The following GLG1 variants were observed in gnomAD, a reference collection of about 807,000 sequenced individuals.
The protein encoded by GLG1 is Golgi apparatus protein 1.
In GLG1, 38 loss-of-function variants were observed where a neutral mutation model predicts 160.5. The ratio of observed to expected loss-of-function variants is 0.24; its 90% CI spans 0.18 to 0.31. The LOEUF (loss-of-function observed/expected upper bound fraction) is 0.31, where lower values mean the gene tolerates loss of function less well. Ranked by LOEUF, GLG1 falls within the 10% of genes least tolerant of loss-of-function variation. GLG1 has a pLI of 1.00. For missense variants in GLG1, 1,373 were observed against 1,505.2 expected (o/e 0.91, Z 1.45); for synonymous variants, 644 against 543.4 (o/e 1.19, Z -2.57).
chr16:74,564,807 G>T (rs1356663161), intron 1 of GLG1, among the ~76,000 whole-genome samples: 1 of 152,154 alleles, frequency 6.6e-6, no homozygotes, highest in African/African-American at 2.4e-5. Flanking sequence ...TCATCAAATT[G>T]AAACTTTAAG....
chr16:74,563,288 A>C (rs558439869), intron 1 of GLG1: 1 of 146,712 alleles, frequency 6.8e-6, no homozygotes, highest in Non-Finnish European at 1.6e-5. Context: ...TGGTTCTGTC[A>C]GAAAGAGAAC....
Position 74,463,400 on chromosome 16 carries a change from T to G in GLG1, c.2747A>C (p.Lys916Thr), listed in dbSNP as rs750071246. 2 of 1,613,960 alleles carry G rather than the reference T, an allele frequency of 1.2e-6. No individual in the cohort carries two copies. Among genetic ancestry groups the G allele is most frequent in the African/African-American group, 2.7e-5 (2 of 74,928 alleles). ...QNKNSELMDP[K>T]CKQMITKRQI... ...GCGCTTGGTTATCATCTGTTTGCAT[T>G]TGGGATCCATCAATTCACTGTTTTT... The change falls in exon 20 of 26, where the codon AAA (lysine) becomes ACA (threonine). Residue 916 changes from lysine to threonine, a missense_variant. Coordinates refer to ENST00000422840, the MANE Select transcript of GLG1 (RefSeq NM_001145667.2).
In GLG1 at chr16:74,606,959, A is replaced by G; in HGVS notation, c.136T>C (p.Phe46Leu). The G allele has an allele frequency of 6.2e-7, 1 of 1,608,860 alleles. No individual in the cohort carries two copies. The highest frequency in any genetic ancestry group is 2.2e-5 in the East Asian group (1 of 44,716). Residue 46 changes from phenylalanine to leucine, a missense_variant, in exon 1 of 26, where the codon TTT becomes CTT. This residue lies in a region of GLG1 where 322 missense variants were observed against 254.6 expected (regional missense o/e 1.26). Coordinates refer to ENST00000422840, the MANE Select transcript of GLG1 (RefSeq NM_001145667.2). ...CCGGCCTGCCCTACGAAGGACACAA[A>G]GTTGGCCCCGGGACCCTGGCCCTGG... The part of the protein sequence containing the change: ...HSQGQGPGAN[F>L]VSFVGQAGGG...
At chr16:74,583,887 C>A (rs966855619) in intron 1 of GLG1, among the ~76,000 whole-genome samples, 5 of 152,132 alleles carry the variant, frequency 3.3e-5, no homozygotes, top group Non-Finnish European at 7.3e-5. Flanking sequence ...CCAGCACCTA[C>A]AATTAAGGTG....
At chr16:74,516,184 T>G (rs1386706530) in intron 2 of GLG1, among the ~76,000 whole-genome samples, 1 of 151,620 alleles carries the variant, frequency 6.6e-6, no homozygotes, top group Non-Finnish European at 1.5e-5. Context: ...GGAATTGAAC[T>G]CAGCTCTGCA....
At chr16:74,526,445 C>T (rs1186703087) in intron 2 of GLG1, among the ~76,000 whole-genome samples, 1 of 145,710 alleles carries the variant, frequency 6.9e-6, no homozygotes, top group East Asian at 2.0e-4. Context: ...CACTTTGGGC[C>T]GGGTATAGCA....
At chr16:74,539,431 G>C (rs1448316084) in intron 1 of GLG1, among the ~76,000 whole-genome samples, 1 of 151,440 alleles carries the variant, frequency 6.6e-6, no homozygotes, top group Non-Finnish European at 1.5e-5. Context: ...AGTGGGCTAT[G>C]TTGACGTTAA....
intron 2 of GLG1, among the ~76,000 whole-genome samples, chr16:74,514,656 G>C (rs554033323): frequency 1.3e-5 from 2 of 152,270 alleles, no homozygotes; most frequent in East Asian, 3.9e-4. Flanking sequence ...AACATGGATA[G>C]GAACAACCGG....
intron 1 of GLG1, among the ~76,000 whole-genome samples, chr16:74,573,432 T>C (rs557806969): frequency 6.6e-6 from 1 of 152,256 alleles, no homozygotes; most frequent in East Asian, 1.9e-4. Context: ...TCTGATTTAA[T>C]TTGCCTGAAA....
At chr16:74,464,388 G>A (rs1322770223) in intron 19 of GLG1, among the ~76,000 whole-genome samples, 1 of 152,176 alleles carries the variant, frequency 6.6e-6, no homozygotes, top group Non-Finnish European at 1.5e-5. Flanking sequence ...ATCCTACCAA[G>A]CAGTAAAGGG....
chr16:74,472,052 G>A (rs186139772), intron 14 of GLG1, among the ~76,000 whole-genome samples: 92 of 152,138 alleles, frequency 6.0e-4, no homozygotes, highest in African/African-American at 2.2e-3. Flanking sequence ...CTACAGGTGT[G>A]TACCACCACG....
chr16:74,501,517 A>G (rs2143445589), intron 4 of GLG1, among the ~76,000 whole-genome samples: 1 of 152,310 alleles, frequency 6.6e-6, no homozygotes, highest in South Asian at 2.1e-4. Flanking sequence ...TTCAGTCACT[A>G]CAGACTTAGT....
chr16:74,587,931 T>A (rs910195713), intron 1 of GLG1, among the ~76,000 whole-genome samples: 2 of 152,168 alleles, frequency 1.3e-5, no homozygotes, highest in African/African-American at 4.8e-5. Flanking sequence ...TAATCGAATA[T>A]ATAAATAAAA....
Position 74,503,733 on chromosome 16 carries a change from G to T in GLG1, c.572C>A (p.Ala191Asp). 6.2e-7 allele frequency: 1 copy of T among 1,608,536 alleles called. No individual in the cohort carries two copies. Residue 191 changes from alanine to aspartate, a missense_variant, in exon 4 of 26, where the codon GCT becomes GAT. Physicochemically the swap from Ala to Asp is moderately radical, Grantham distance 126. This residue lies in a region of GLG1 where 322 missense variants were observed against 254.6 expected (regional missense o/e 1.26). Coordinates refer to ENST00000422840, the MANE Select transcript of GLG1 (RefSeq NM_001145667.2). ...GTAACCTTTTCCAACCGGTTCATCA[G>T]CACATTCTTTAATCTGCTCAAAATA... ...KSTITEIKEC[A>D]DEPVGKGYMV...
At chr16:74,513,777 AAGG>A (rs1231004576) in intron 2 of GLG1, among the ~76,000 whole-genome samples, 1 of 152,186 alleles carries the variant, frequency 6.6e-6, no homozygotes, top group African/African-American at 2.4e-5. Flanking sequence ...ACAAAACTGG[AAGG>A]AGAACGAATT....
intron 18 of GLG1, 79 bp downstream of exon 18, chr16:74,467,677 T>C (rs943310933): frequency 4.2e-6 from 4 of 948,618 alleles, no homozygotes; most frequent in Non-Finnish European, 6.8e-6. Flanking sequence ...TGTTACCTTA[T>C]GGGCACTAGC....
At chr16:74,459,559 G>C in intron 23 of GLG1, 123 bp downstream of exon 23, 2 of 659,116 alleles carry the variant, frequency 3.0e-6, no homozygotes, top group Non-Finnish European at 5.4e-6. Flanking sequence ...CAAGAAAAGA[G>C]TGCTGGGCAG....
intron 6 of GLG1, 55 bp downstream of exon 6, chr16:74,494,705 G>A (rs141130041): frequency 9.4e-6 from 8 of 846,712 alleles, no homozygotes; most frequent in African/African-American, 1.7e-5. Context: ...GTGTCTGGCT[G>A]AGAAAGCTTT....
At chr16:74,597,368 T>C (rs1339544045) in intron 1 of GLG1, among the ~76,000 whole-genome samples, 2 of 147,566 alleles carry the variant, frequency 1.4e-5, no homozygotes, top group African/African-American at 2.5e-5. Flanking sequence ...GAGGCTGAGG[T>C]TGCAGTGAGC....
Sources: gnomAD v4.1 joint callset for allele counts (sites outside exome capture counted in the v4.1 genomes callset) on GRCh38, gnomAD v4.1.1 for gene constraint, gnomAD v4.1.1 regional missense constraint, MANE v1.5 for transcripts, NCBI Gene and HGNC (gene_info 2026-07-23, HGNC 2026-07-21) for gene names.